Variants in TMEM163 observed in about 807,000 individuals in gnomAD.
The protein encoded by TMEM163 is transmembrane protein 163.
A neutral mutation model predicts 29.3 loss-of-function variants in TMEM163; 17 were observed. That is an observed-to-expected ratio of 0.58 (90% CI 0.40 to 0.87). The LOEUF is 0.87. Ranked by LOEUF, TMEM163 falls within the 40% of genes least tolerant of loss-of-function variation. The pLI is 0.00. For synonymous variants in TMEM163, 157 were observed against 160.6 expected (o/e 0.98, Z 0.17); for missense variants, 303 against 381.5 (o/e 0.79, Z 1.71).
intron 2 of TMEM163, among the ~76,000 whole-genome samples, chr2:134,698,819 G>A (rs1684632781): frequency 1.3e-5 from 2 of 152,274 alleles, no homozygotes; most frequent in Non-Finnish European, 2.9e-5. Context: ...ATTGCACTGT[G>A]GTCAGAGAAC....
At chr2:134,705,569 G>C (rs184764560) in intron 2 of TMEM163, among the ~76,000 whole-genome samples, 47 of 152,318 alleles carry the variant, frequency 3.1e-4, no homozygotes, top group Admixed American at 1.5e-3. Flanking sequence ...AGTTTCCCCT[G>C]CTGGGGTAGG....
intron 2 of TMEM163, among the ~76,000 whole-genome samples, chr2:134,602,186 C>T (rs1244800242): frequency 6.6e-6 from 1 of 152,168 alleles, no homozygotes; most frequent in Non-Finnish European, 1.5e-5. Flanking sequence ...AGATCTTGGG[C>T]TGGAGGGATG....
chr2:134,592,229 T>A (rs1681951418), intron 2 of TMEM163, among the ~76,000 whole-genome samples: 1 of 152,172 alleles, frequency 6.6e-6, no homozygotes, highest in Admixed American at 6.5e-5. Flanking sequence ...TGTCCTTTGG[T>A]AGCAGCCTTC....
At chr2:134,595,468 G>A (rs976016666) in intron 2 of TMEM163, among the ~76,000 whole-genome samples, 14 of 152,256 alleles carry the variant, frequency 9.2e-5, no homozygotes, top group African/African-American at 3.4e-4. Flanking sequence ...TGGCTGCATA[G>A]TATTCCATGG....
chr2:134,466,064 C>T (rs1686663213), intron 6 of TMEM163, 50 bp downstream of exon 6: 1 of 1,374,594 alleles, frequency 7.3e-7, no homozygotes, highest in Admixed American at 1.9e-5. Flanking sequence ...CAGCATCTTC[C>T]TCCACTGTGA....
At chr2:134,641,841 C>A (rs1683227088) in intron 2 of TMEM163, among the ~76,000 whole-genome samples, 1 of 152,124 alleles carries the variant, frequency 6.6e-6, no homozygotes, top group Admixed American at 6.5e-5. Context: ...ACAGACTACT[C>A]ACCTCAAATA....
intron 2 of TMEM163, among the ~76,000 whole-genome samples, chr2:134,700,916 A>AAATC (rs1684686263): frequency 1.6e-5 from 2 of 125,526 alleles, no homozygotes; most frequent in Admixed American, 1.7e-4. Context: ...ATACATAAAT[A>AAATC]AATAAATAAA....
At chr2:134,535,733 G>T (rs946819676) in intron 4 of TMEM163, among the ~76,000 whole-genome samples, 2,536 of 145,482 alleles carry the variant, frequency 0.017, 103 homozygotes, top group African/African-American at 0.061. Flanking sequence ...TTTTTTGTTT[G>T]TTTGTTTTTT....
At chr2:134,592,402 A>G (rs1199663813) in intron 2 of TMEM163, among the ~76,000 whole-genome samples, 2 of 152,218 alleles carry the variant, frequency 1.3e-5, no homozygotes, top group Non-Finnish European at 2.9e-5. Flanking sequence ...AAATATGTCA[A>G]GGAAATATAT....
At chr2:134,700,941 A>AATAAATACATAAATTC (rs1553495682) in intron 2 of TMEM163, among the ~76,000 whole-genome samples, 1 of 146,368 alleles carries the variant, frequency 6.8e-6, no homozygotes, top group Non-Finnish European at 1.5e-5. Context: ...TAAATAAATA[A>AATAAATACATAAATTC]ATAAATAAAG....
chr2:134,553,382 A>C (rs1365792616), intron 2 of TMEM163, among the ~76,000 whole-genome samples: 1 of 152,152 alleles, frequency 6.6e-6, no homozygotes. Context: ...CACCTGATCC[A>C]CTGTGAACCA....
chr2:134,563,777 A>G (rs1681233697), intron 2 of TMEM163, among the ~76,000 whole-genome samples: 1 of 152,192 alleles, frequency 6.6e-6, no homozygotes, highest in African/African-American at 2.4e-5. Flanking sequence ...AAGACAGGCC[A>G]GGCACGGTGG....
intron 4 of TMEM163, among the ~76,000 whole-genome samples, chr2:134,506,769 C>T (rs1679833130): frequency 6.6e-6 from 1 of 152,224 alleles, no homozygotes; most frequent in Non-Finnish European, 1.5e-5. Context: ...GCAAATATGA[C>T]TGCTTATGCA....
chr2:134,675,192 G>A (rs888258547), intron 2 of TMEM163, among the ~76,000 whole-genome samples: 1 of 152,134 alleles, frequency 6.6e-6, no homozygotes, highest in Admixed American at 6.5e-5. Context: ...CCATTCTCAG[G>A]AAAGTTTCCT....
intron 4 of TMEM163, among the ~76,000 whole-genome samples, chr2:134,542,198 A>C (rs1680690570): frequency 6.6e-6 from 1 of 152,194 alleles, no homozygotes; most frequent in African/African-American, 2.4e-5. Flanking sequence ...AAATAAAACA[A>C]TTTTCAAAAT....
chr2:134,561,226 C>T (rs938998896), intron 2 of TMEM163, among the ~76,000 whole-genome samples: 2 of 152,174 alleles, frequency 1.3e-5, no homozygotes. Flanking sequence ...GTTGTTGAGA[C>T]GGAGTCTCGC....
intron 5 of TMEM163, chr2:134,466,521 C>T (rs568468834): frequency 3.2e-6 from 1 of 311,626 alleles, no homozygotes; most frequent in Non-Finnish European, 6.1e-6. Flanking sequence ...AGTCATAGAT[C>T]AATAACAGAG....
intron 2 of TMEM163, among the ~76,000 whole-genome samples, chr2:134,578,222 C>A (rs570400594): frequency 1.3e-5 from 2 of 152,272 alleles, no homozygotes; most frequent in South Asian, 4.1e-4. Context: ...GTCTTAAGCA[C>A]AAGATTTTGC....
chr2:134,548,122 C>T (rs72984224), intron 4 of TMEM163, among the ~76,000 whole-genome samples: 1 of 151,930 alleles, frequency 6.6e-6, no homozygotes, highest in South Asian at 2.1e-4. Context: ...AAAGAAAAAG[C>T]AGAGGGAAAA....
Sources: gnomAD v4.1 joint callset for allele counts (sites outside exome capture counted in the v4.1 genomes callset) on GRCh38, gnomAD v4.1.1 for gene constraint, MANE v1.5 for transcripts, NCBI Gene and HGNC (gene_info 2026-07-23, HGNC 2026-07-21) for gene names.